DACH2: variants seen among roughly 807,000 people sequenced by gnomAD.
The protein encoded by DACH2 is dachshund homolog 2.
In DACH2, 17 loss-of-function variants were observed where a neutral mutation model predicts 35.8. The ratio of observed to expected loss-of-function variants is 0.48; its 90% CI spans 0.33 to 0.71. The LOEUF (loss-of-function observed/expected upper bound fraction) is 0.71. DACH2 is among the 30% of genes least tolerant of loss of function. The pLI is 0.02. For missense variants in DACH2, 469 were observed against 472.7 expected (o/e 0.99, Z 0.07); for synonymous variants, 195 against 177.3 (o/e 1.10, Z -0.79).
intron 1 of DACH2, among the ~76,000 whole-genome samples, chrX:86,357,815 G>T (rs2035667487): frequency 1.8e-5 from 2 of 112,332 alleles, no homozygotes; most frequent in Admixed American, 1.9e-4. Flanking sequence ...TAGGTATCTT[G>T]TTTGTGTATT....
At chrX:86,472,500 T>A (rs1261777309) in intron 2 of DACH2, among the ~76,000 whole-genome samples, 2 of 111,861 alleles carry the variant, frequency 1.8e-5, no homozygotes, top group Non-Finnish European at 3.8e-5. Context: ...GTTGTTGTAG[T>A]CTACTAAAAA....
At chrX:86,762,381 T>C (rs1309624371) in intron 7 of DACH2, among the ~76,000 whole-genome samples, 1 of 111,535 alleles carries the variant, frequency 9.0e-6, no homozygotes, top group Non-Finnish European at 1.9e-5. Flanking sequence ...GTATAAATTC[T>C]TATAATCTTC....
intron 3 of DACH2, among the ~76,000 whole-genome samples, chrX:86,598,682 G>A (rs1005585680): frequency 1.1e-4 from 12 of 109,677 alleles, no homozygotes; most frequent in African/African-American, 4.0e-4. Context: ...TTCTTTCCTC[G>A]TCACTGCTTA....
At chrX:86,570,240 T>C (rs1391554385) in intron 3 of DACH2, among the ~76,000 whole-genome samples, 1 of 111,706 alleles carries the variant, frequency 9.0e-6, no homozygotes, top group Non-Finnish European at 1.9e-5. Flanking sequence ...TTACTGGGTA[T>C]ATACCCAAAG....
At chrX:86,608,197 C>A (rs2039885200) in intron 3 of DACH2, among the ~76,000 whole-genome samples, 1 of 111,135 alleles carries the variant, frequency 9.0e-6, no homozygotes, top group Admixed American at 9.6e-5. Context: ...CAGAGAAATG[C>A]AAATCAAAAC....
At chrX:86,721,263 G>A (rs1011525370) in intron 6 of DACH2, among the ~76,000 whole-genome samples, 9 of 111,981 alleles carry the variant, frequency 8.0e-5, no homozygotes, top group Admixed American at 5.7e-4. Context: ...TTTTTCTATT[G>A]CATCATCAGG....
At chrX:86,662,463 G>A (rs746138583) in intron 4 of DACH2, among the ~76,000 whole-genome samples, 25 of 111,100 alleles carry the variant, frequency 2.3e-4, no homozygotes, top group African/African-American at 7.9e-4. Context: ...GCCGGGCGTG[G>A]TGGCACACTC....
intron 4 of DACH2, among the ~76,000 whole-genome samples, chrX:86,672,859 A>G (rs925608183): frequency 1.8e-5 from 2 of 111,670 alleles, no homozygotes; most frequent in Non-Finnish European, 3.8e-5. Context: ...TCCAGACCCC[A>G]GAATAGTAGA....
At chrX:86,751,846 A>G (rs1602897060) in intron 7 of DACH2, among the ~76,000 whole-genome samples, 1 of 112,038 alleles carries the variant, frequency 8.9e-6, no homozygotes, top group East Asian at 2.8e-4. Flanking sequence ...CTAGCTGCCC[A>G]TCAACAGTGG....
At chrX:86,667,676 G>T (rs1416504367) in intron 4 of DACH2, among the ~76,000 whole-genome samples, 1 of 111,470 alleles carries the variant, frequency 9.0e-6, no homozygotes, top group African/African-American at 3.3e-5. Flanking sequence ...AAGGATTGAT[G>T]TAATATATTA....
intron 11 of DACH2, chrX:86,828,012 C>G: frequency 6.2e-6 from 2 of 321,751 alleles, no homozygotes; most frequent in Non-Finnish European, 1.0e-5. Context: ...ACATTTTACA[C>G]TTCTTTAACC....
At position 86,565,770 on chromosome X, in the gene DACH2, G is replaced by GAGTACTCTC. The variant is rs1369772425; in HGVS notation, c.640+51381_640+51382insTACTCTCAG. Among the ~76,000 whole-genome samples, 21 of 111,425 alleles carry GAGTACTCTC rather than the reference G, an allele frequency of 1.9e-4. No individual in the cohort carries two copies. The Admixed American group carries it at 1.9e-3, about 10-fold the overall frequency. On this transcript the variant is annotated intron_variant, in intron 3 of 11. Coordinates refer to ENST00000373125, the MANE Select transcript of DACH2 (RefSeq NM_053281.3). ...AAATGAAAAGTCTGTGTTTCTCTGA[G>GAGTACTCTC]AGAGTAGATTATTTAAATAGGAAAA...
intron 4 of DACH2, among the ~76,000 whole-genome samples, chrX:86,678,795 A>T (rs764036262): frequency 2.2e-3 from 246 of 112,466 alleles, no homozygotes; most frequent in Non-Finnish European, 3.9e-3. Flanking sequence ...TTTATCTTTG[A>T]TATTTTCTAG....
intron 2 of DACH2, among the ~76,000 whole-genome samples, chrX:86,411,748 C>T (rs1460655478): frequency 1.8e-5 from 2 of 111,680 alleles, no homozygotes; most frequent in African/African-American, 6.5e-5. Context: ...ACGAAAATTA[C>T]AGTCCCCGTT....
chrX:86,227,500 A>T (rs1030163535), intron 1 of DACH2, among the ~76,000 whole-genome samples: 1 of 111,393 alleles, frequency 9.0e-6, no homozygotes, highest in African/African-American at 3.3e-5. Context: ...ATCAAAAGGT[A>T]CTCATTCAAC....
chrX:86,483,957 G>A (rs914553462), intron 2 of DACH2, among the ~76,000 whole-genome samples: 8 of 111,523 alleles, frequency 7.2e-5, no homozygotes, highest in Non-Finnish European at 1.1e-4. Flanking sequence ...ATTTTTGTGC[G>A]TGTATGTATA....
chrX:86,698,907 C>A (rs7054974), intron 5 of DACH2, among the ~76,000 whole-genome samples: 26,861 of 109,852 alleles, frequency 0.24, 2,697 homozygotes, highest in Admixed American at 0.46. Context: ...GCAGGAGTAG[C>A]AATTCTTATA....
chrX:86,477,928 A>G (rs6524661), intron 2 of DACH2, among the ~76,000 whole-genome samples: 25,617 of 110,561 alleles, frequency 0.23, 2,465 homozygotes, highest in East Asian at 0.48. Flanking sequence ...CTGTTTGCTT[A>G]AACAAAGGAA....
intron 4 of DACH2, among the ~76,000 whole-genome samples, chrX:86,692,424 G>GA (rs1322899539): frequency 5.4e-5 from 6 of 110,553 alleles, no homozygotes; most frequent in African/African-American, 2.0e-4. Context: ...TGAGCTGTTG[G>GA]AAAAAGTGTA....
Sources: allele counts gnomAD v4.1 joint callset (sites outside exome capture counted in the v4.1 genomes callset), GRCh38; gene constraint gnomAD v4.1.1; transcripts MANE v1.5; gene names NCBI Gene and HGNC (gene_info 2026-07-23, HGNC 2026-07-21).